Variants in ITGA9 observed in about 807,000 individuals in gnomAD.
The protein encoded by ITGA9 is integrin subunit alpha 9.
ITGA9 carries 56 observed loss-of-function variants against 127.8 expected under a neutral mutation model. The ratio of observed to expected loss-of-function variants is 0.44; its 90% CI spans 0.35 to 0.55. The LOEUF (loss-of-function observed/expected upper bound fraction) is 0.55. Ranked by LOEUF, ITGA9 falls within the 20% of genes least tolerant of loss-of-function variation. ITGA9 has a pLI of 0.00. For missense variants in ITGA9, 1,196 were observed against 1,347.1 expected (o/e 0.89, Z 1.76); for synonymous variants, 508 against 514.5 (o/e 0.99, Z 0.17).
At chr3:37,551,083 T>C (rs1210336050) in intron 15 of ITGA9, among the ~76,000 whole-genome samples, 1 of 152,224 alleles carries the variant, frequency 6.6e-6, no homozygotes, top group Non-Finnish European at 1.5e-5. Flanking sequence ...AATAGGAAAG[T>C]AAATTTGTGG....
At chr3:37,749,964 CT>C (rs1696560886) in intron 22 of ITGA9, among the ~76,000 whole-genome samples, 1 of 152,146 alleles carries the variant, frequency 6.6e-6, no homozygotes, top group Non-Finnish European at 1.5e-5. Flanking sequence ...GCAGCATCTC[CT>C]GGGACCATGT....
chr3:37,770,334 C>T (rs1414855098), intron 23 of ITGA9, among the ~76,000 whole-genome samples: 3 of 152,106 alleles, frequency 2.0e-5, no homozygotes, highest in African/African-American at 7.2e-5. Context: ...GGATGATGTG[C>T]TTGGAGCATG....
At chr3:37,558,577 T>G (rs1459974454) in intron 15 of ITGA9, among the ~76,000 whole-genome samples, 2 of 152,210 alleles carry the variant, frequency 1.3e-5, no homozygotes. Flanking sequence ...GCATAATCAT[T>G]AATAGTTCTC....
At chr3:37,683,007 G>A (rs1278246028) in intron 17 of ITGA9, among the ~76,000 whole-genome samples, 1 of 152,092 alleles carries the variant, frequency 6.6e-6, no homozygotes, top group Non-Finnish European at 1.5e-5. Context: ...AAACACTAAC[G>A]TCAAGTCACG....
chr3:37,678,180 A>AACCTGCTTTCATTGTC (rs1700701054), intron 17 of ITGA9, among the ~76,000 whole-genome samples: 3 of 152,234 alleles, frequency 2.0e-5, no homozygotes, highest in South Asian at 4.1e-4. Context: ...TTCATTGGGT[A>AACCTGCTTTCATTGTC]ATAAACCCAA....
At chr3:37,527,164 G>T (rs184086147) in intron 13 of ITGA9, among the ~76,000 whole-genome samples, 1 of 152,212 alleles carries the variant, frequency 6.6e-6, no homozygotes, top group East Asian at 1.9e-4. Context: ...CTTAGGATGG[G>T]GTTATTTCCA....
chr3:37,609,426 A>G (rs993080501), intron 15 of ITGA9, among the ~76,000 whole-genome samples: 1 of 152,198 alleles, frequency 6.6e-6, no homozygotes, highest in Non-Finnish European at 1.5e-5. Flanking sequence ...CTCAGAGTAC[A>G]ATCTAAATAA....
Position 37,743,181 on chromosome 3 carries a change from G to A in ITGA9, c.2325-745G>A, listed in dbSNP as rs546762340. Among the ~76,000 whole-genome samples the A allele has an allele frequency of 2.6e-4, 40 of 152,290 alleles. 1 individual carries two copies. In the South Asian group the frequency reaches 8.1e-3, roughly 31 times the overall value. On this transcript the variant is annotated intron_variant, in intron 21 of 27. Coordinates refer to ENST00000264741, the MANE Select transcript of ITGA9 (RefSeq NM_002207.3). ...GAACTCACTACCTTACTAAAATAAT[G>A]CACTAAACATTGAAAATGGATGAGT...
chr3:37,789,295 G>T (rs1483882090), intron 26 of ITGA9, among the ~76,000 whole-genome samples: 2 of 152,008 alleles, frequency 1.3e-5, no homozygotes, highest in African/African-American at 4.8e-5. Context: ...TTTAAGAGTT[G>T]GTATGATGTG....
At chr3:37,590,603 T>A (rs1025472591) in intron 15 of ITGA9, among the ~76,000 whole-genome samples, 2 of 152,200 alleles carry the variant, frequency 1.3e-5, no homozygotes, top group Admixed American at 6.5e-5. Context: ...CCAGACACCC[T>A]CCAAGAGATA....
At chr3:37,511,074 G>A (rs1698900075) in intron 8 of ITGA9, among the ~76,000 whole-genome samples, 1 of 152,190 alleles carries the variant, frequency 6.6e-6, no homozygotes, top group South Asian at 2.1e-4. Context: ...CACATAGACA[G>A]GAGGGTTCTA....
intron 27 of ITGA9, chr3:37,818,555 G>A (rs367903474): frequency 4.6e-5 from 15 of 328,994 alleles, no homozygotes; most frequent in Admixed American, 1.7e-4. Flanking sequence ...GAGCCACTGC[G>A]CCCAGCCATG....
At chr3:37,708,919 C>T (rs1446181204) in intron 18 of ITGA9, among the ~76,000 whole-genome samples, 1 of 151,310 alleles carries the variant, frequency 6.6e-6, no homozygotes, top group African/African-American at 2.5e-5. Flanking sequence ...CAGCACAATA[C>T]AGTGGTTAAG....
At chr3:37,524,099 A>G in intron 12 of ITGA9, among the ~76,000 whole-genome samples, 1 of 152,178 alleles carries the variant, frequency 6.6e-6, no homozygotes, top group East Asian at 1.9e-4. Context: ...TTCACCATTC[A>G]ATGCTGGCTG....
intron 6 of ITGA9, among the ~76,000 whole-genome samples, chr3:37,504,339 A>G (rs1182720492): frequency 6.6e-6 from 1 of 152,220 alleles, no homozygotes; most frequent in Non-Finnish European, 1.5e-5. Flanking sequence ...TAAACTGAGG[A>G]GCAAAGAAAT....
rs532898062 is a variant in ITGA9 at position 37,629,917 on chromosome 3, G to A, written c.1839+581G>A. Among the ~76,000 whole-genome samples, 22 of 152,330 alleles carry A rather than the reference G, an allele frequency of 1.4e-4. 1 individual carries two copies. Among genetic ancestry groups the A allele is most frequent in the African/African-American group, 4.8e-4 (20 of 41,564 alleles). On this transcript the variant is annotated intron_variant, in intron 16 of 27. Coordinates refer to ENST00000264741, the MANE Select transcript of ITGA9 (RefSeq NM_002207.3). The surrounding 1 kb of genome is among the most constrained non-coding windows in gnomAD (Gnocchi z 4.5). ...GGAGTGAGCCTGTGCCTGATTTTGT[G>A]CAGCAGCGCTGGCCAGCTCTGAGGC...
chr3:37,624,797 G>A (rs544887991), intron 15 of ITGA9, among the ~76,000 whole-genome samples: 20 of 150,778 alleles, frequency 1.3e-4, no homozygotes, highest in Admixed American at 1.3e-3. Flanking sequence ...AGTAGAGATG[G>A]GGTTTCACCA....
At chr3:37,657,665 T>G (rs1267768170) in intron 17 of ITGA9, among the ~76,000 whole-genome samples, 2 of 151,840 alleles carry the variant, frequency 1.3e-5, no homozygotes, top group African/African-American at 2.4e-5. Context: ...ATTTTTTTTT[T>G]GAAGGGTTTT....
At chr3:37,748,747 T>TA (rs34063758) in intron 22 of ITGA9, 40,002 of 448,276 alleles carry the variant, frequency 0.089, 3,398 homozygotes, top group African/African-American at 0.4. Flanking sequence ...GACTCTGTCT[T>TA]AAAAAAAAAA....
Sources: gnomAD v4.1 joint callset for allele counts (sites outside exome capture counted in the v4.1 genomes callset) on GRCh38, gnomAD v4.1.1 for gene constraint, Gnocchi (gnomAD v3.1) non-coding constraint, MANE v1.5 for transcripts, NCBI Gene and HGNC (gene_info 2026-07-23, HGNC 2026-07-21) for gene names.